Variants in ARK2N observed in about 807,000 individuals in gnomAD.
The protein encoded by ARK2N is protein ARK2N.
chr18:46,240,011 C>T, the ARK2N span: 19 of 1,613,778 alleles, frequency 1.2e-5, no homozygotes, highest in African/African-American at 2.4e-4. Flanking sequence ...CTAGATGGAC[C>T]TCCAGTTGTA....
chr18:46,229,411 GAT>G, the ARK2N span, among the ~76,000 whole-genome samples: 2 of 151,958 alleles, frequency 1.3e-5, no homozygotes, highest in Non-Finnish European at 2.9e-5. Flanking sequence ...GCAGTGGCGC[GAT>G]CTCAGCTCAC....
chr18:46,249,049 T>C, the ARK2N span, among the ~76,000 whole-genome samples: 1 of 152,182 alleles, frequency 6.6e-6, no homozygotes, highest in Admixed American at 6.5e-5. Context: ...TTTCCTGTTG[T>C]ACTTACCTGG....
chr18:46,265,316 T>C, the ARK2N span: 2 of 152,716 alleles, frequency 1.3e-5, no homozygotes, highest in Admixed American at 6.5e-5. Context: ...CCTGTTCTTA[T>C]GTTAACCACA....
chr18:46,213,489 A>T, the ARK2N span, among the ~76,000 whole-genome samples: 1 of 151,910 alleles, frequency 6.6e-6, no homozygotes, highest in Non-Finnish European at 1.5e-5. Flanking sequence ...TCGTGTTTGT[A>T]TTGACAGCAT....
the ARK2N span, among the ~76,000 whole-genome samples, chr18:46,248,433 G>A: frequency 1.3e-5 from 2 of 152,188 alleles, no homozygotes; most frequent in Non-Finnish European, 2.9e-5. Context: ...GGCAAAAAAT[G>A]GATGATCCCA....
the ARK2N span, among the ~76,000 whole-genome samples, chr18:46,220,035 G>C: frequency 6.6e-6 from 1 of 152,200 alleles, no homozygotes; most frequent in South Asian, 2.1e-4. Flanking sequence ...AGTTTTTCCA[G>C]TAACTGTTTT....
chr18:46,240,740 T>C, the ARK2N span, among the ~76,000 whole-genome samples: 1 of 152,244 alleles, frequency 6.6e-6, no homozygotes, highest in African/African-American at 2.4e-5. Flanking sequence ...AAAATCTCTG[T>C]CCCTGTCTTA....
chr18:46,221,222 AT>A, the ARK2N span, among the ~76,000 whole-genome samples: 2 of 151,662 alleles, frequency 1.3e-5, no homozygotes, highest in African/African-American at 2.4e-5. Context: ...TTGAATATTA[AT>A]TTTTTTTAAA....
At chr18:46,211,249 T>C in the ARK2N span, among the ~76,000 whole-genome samples, 1 of 152,194 alleles carries the variant, frequency 6.6e-6, no homozygotes, top group Non-Finnish European at 1.5e-5. Context: ...TGCTCTGTTA[T>C]GCAGCCTGGA....
At chr18:46,249,511 C>T in the ARK2N span, among the ~76,000 whole-genome samples, 26 of 152,296 alleles carry the variant, frequency 1.7e-4, no homozygotes, top group African/African-American at 6.3e-4. Context: ...GGATTACAGG[C>T]TTGAGCCACC....
At chr18:46,252,949 G>A in the ARK2N span, among the ~76,000 whole-genome samples, 1 of 152,168 alleles carries the variant, frequency 6.6e-6, no homozygotes, top group African/African-American at 2.4e-5. Context: ...GAAGACTCTT[G>A]TAAAGAAGTC....
chr18:46,200,396 C>T, the ARK2N span, among the ~76,000 whole-genome samples: 1 of 152,254 alleles, frequency 6.6e-6, no homozygotes, highest in African/African-American at 2.4e-5. Context: ...CAACCTCTGC[C>T]TTCCGGGTTC....
At chr18:46,211,612 T>A in the ARK2N span, among the ~76,000 whole-genome samples, 2 of 152,100 alleles carry the variant, frequency 1.3e-5, no homozygotes, top group Non-Finnish European at 2.9e-5. Context: ...AATGAATGAA[T>A]GGTCCAGTTG....
At chr18:46,190,739 G>A in the ARK2N span, among the ~76,000 whole-genome samples, 1 of 152,130 alleles carries the variant, frequency 6.6e-6, no homozygotes, top group Non-Finnish European at 1.5e-5. Context: ...CCCCTGTAGT[G>A]TAGCGTGGAG....
chr18:46,239,692 C>T, the ARK2N span, among the ~76,000 whole-genome samples: 2 of 152,148 alleles, frequency 1.3e-5, no homozygotes, highest in Non-Finnish European at 2.9e-5. Context: ...TCTGTGGAGT[C>T]ATCCTTTTTT....
the ARK2N span, among the ~76,000 whole-genome samples, chr18:46,221,477 T>C: frequency 0.028 from 4,236 of 150,406 alleles, 185 homozygotes; most frequent in African/African-American, 0.098. Context: ...GGAGAATCAC[T>C]TGAACCTGGG....
chr18:46,233,216 A>G, the ARK2N span, among the ~76,000 whole-genome samples: 1 of 152,288 alleles, frequency 6.6e-6, no homozygotes, highest in South Asian at 2.1e-4. Context: ...GGATATTTGG[A>G]AAAATAGCAA....
chr18:46,254,181 G>A, the ARK2N span, among the ~76,000 whole-genome samples: 1 of 152,066 alleles, frequency 6.6e-6, no homozygotes, highest in Admixed American at 6.6e-5. Flanking sequence ...CACTTTACCT[G>A]GAAATATACT....
chr18:46,231,910 A>G, the ARK2N span: 2 of 152,020 alleles, frequency 1.3e-5, no homozygotes, highest in South Asian at 2.1e-4. Flanking sequence ...GCCTGCCACC[A>G]TGCCCGGCTA....
Sources: allele counts gnomAD v4.1 joint callset (sites outside exome capture counted in the v4.1 genomes callset), GRCh38; gene constraint gnomAD v4.1.1; transcripts MANE v1.5; gene names NCBI Gene and HGNC (gene_info 2026-07-23, HGNC 2026-07-21).